The following DUS3L variants were observed in gnomAD, a reference collection of about 807,000 sequenced individuals.
DUS3L encodes tRNA-dihydrouridine(47) synthase [NAD(P)(+)]-like.
In DUS3L, 62 loss-of-function variants were observed where a neutral mutation model predicts 74.6. That is an observed-to-expected ratio of 0.83 (90% CI 0.68 to 1.03). The LOEUF is 1.03. DUS3L is among the 50% of genes least tolerant of loss of function. The pLI, the probability that DUS3L is intolerant of heterozygous loss-of-function variation, is 0.00. For synonymous variants in DUS3L, 433 were observed against 395.7 expected (o/e 1.09, Z -1.12); for missense variants, 884 against 924.4 (o/e 0.96, Z 0.57).
intron 1 of DUS3L, among the ~76,000 whole-genome samples, chr19:5,790,604 A>T (rs1286230514): frequency 6.6e-6 from 1 of 152,074 alleles, no homozygotes; most frequent in Non-Finnish European, 1.5e-5. Context: ...GAAAAACTAC[A>T]ATTCCCAGCA....
chr19:5,787,669 C>T lies in DUS3L; in HGVS notation c.1132G>A (p.Ala378Thr). Residue 378 changes from alanine (A) to threonine (T), a missense_variant, in exon 6 of 13, where the codon GCC becomes ACC. By Grantham distance (58) the Ala-to-Thr change is moderately conservative. Transcript: ENST00000309061. ...GAFPDTMTKC[A>T]ELLSRTVEVD... ...TCCACGGTGCGGCTCAGCAGCTCGG[C>T]ACACTTGGTCATGGTGTCGGGGAAG... 6.2e-7 allele frequency: 1 copy of T among 1,613,760 alleles called. No homozygotes were observed. Among genetic ancestry groups the T allele is most frequent in the Non-Finnish European group, 8.5e-7 (1 of 1,179,976 alleles).
At chr19:5,790,676 C>G (rs1366015415) in intron 1 of DUS3L, 1 of 537,490 alleles carries the variant, frequency 1.9e-6, no homozygotes, top group East Asian at 3.3e-5. Context: ...CTTCAAACAC[C>G]GCAGGCCCCA....
chr19:5,790,275 AGTC>A lies in DUS3L; in HGVS notation c.156_158del (p.Lys52_Thr53delinsAsn). 6.2e-7 allele frequency: 1 copy of A among 1,614,170 alleles called. No homozygotes were observed. Among genetic ancestry groups the A allele is most frequent in the Non-Finnish European group, 8.5e-7 (1 of 1,180,036 alleles). ...GGTCTCCTACCTCGGTTTCCCGGCA[AGTC>A]TTCTCCTGCCCTTTGGCTTCCAGGA... On this transcript the variant is annotated inframe_deletion, in exon 2 of 13. Coordinates refer to ENST00000309061, the MANE Select transcript of DUS3L (RefSeq NM_020175.3).
chr19:5,790,572 G>A (rs1568389417), intron 1 of DUS3L, among the ~76,000 whole-genome samples: 2 of 152,100 alleles, frequency 1.3e-5, no homozygotes, highest in African/African-American at 2.4e-5. Context: ...AGTCAAGAAC[G>A]TCCCTGCGCA....
chr19:5,787,991 C>T (rs773413995), intron 5 of DUS3L, 33 bp downstream of exon 5: 2 of 1,608,074 alleles, frequency 1.2e-6, no homozygotes, highest in Admixed American at 1.7e-5. Flanking sequence ...CCGAGGGCCC[C>T]TCCACTCTCC....
Position 5,788,080 on chromosome 19 carries a change from T to C in DUS3L, c.1039A>G (p.Met347Val). The change falls in exon 5 of 13, where the codon ATG (methionine) becomes GTG (valine). Residue 347 changes from methionine (M) to valine (V), a missense_variant. Physicochemically the swap from Met to Val is conservative, Grantham distance 21 (BLOSUM62 1). Transcript: ENST00000309061. ...AVCTNLLQGQ[M>V]SEWALLKRHQ... Reference sequence around the variant, plus strand: ...CGTTTGAGTAGGGCCCACTCGGACATCTGGCCCTGCAGCAGGTTGGTGCAG... The same window carrying C: ...CGTTTGAGTAGGGCCCACTCGGACACCTGGCCCTGCAGCAGGTTGGTGCAG... 6.2e-7 allele frequency: 1 copy of C among 1,613,780 alleles called. No individual in the cohort carries two copies. The highest frequency in any genetic ancestry group is 8.5e-7 in the Non-Finnish European group (1 of 1,180,010).
chr19:5,787,076 G>A lies in DUS3L; in HGVS notation c.1374C>T (p.Gly458=), dbSNP rs772122425. 5.4e-5 allele frequency: 83 copies of A among 1,545,682 alleles called. No individual in the cohort carries two copies. The highest frequency in any genetic ancestry group is 6.7e-5 in the Non-Finnish European group (77 of 1,152,820). ...CAAGACCCACCGTGACGAGTGCCACGCCCCAGTCCCGCAGCTCGGGCAGCA... is the reference window on the plus strand; with the variant it reads ...CAAGACCCACCGTGACGAGTGCCACACCCCAGTCCCGCAGCTCGGGCAGCA... ...HRLLPELRDW[G]VALVTLHGRS... is the part of the protein sequence containing the mutation. The change falls in exon 8 of 13, where the codon GGC becomes GGT. Residue 458 remains glycine, a synonymous_variant. Coordinates refer to ENST00000309061, the MANE Select transcript of DUS3L (RefSeq NM_020175.3).
At position 5,789,541 on chromosome 19, in the gene DUS3L, T is replaced by TG; in HGVS notation, c.565dup (p.Gln189ProfsTer41). ...CGCCAACTCCTCCTGCACCAGGTTC[T>TG]GTCCCTCGGGCCTCAGGTGGGCCCC... On this transcript the variant is annotated frameshift_variant, in exon 3 of 13. Transcript: ENST00000309061. LOFTEE classifies it high-confidence loss of function. 6.2e-7 allele frequency: 1 copy of TG among 1,602,700 alleles called. No individual in the cohort carries two copies. The highest frequency in any genetic ancestry group is 2.2e-5 in the East Asian group (1 of 44,574).
chr19:5,789,641 C>A lies in DUS3L; in HGVS notation c.466G>T (p.Ala156Ser). 1 of 1,607,152 alleles carries A rather than the reference C, an allele frequency of 6.2e-7. No homozygotes were observed. Among genetic ancestry groups the A allele is most frequent in the Non-Finnish European group, 8.5e-7 (1 of 1,177,960 alleles). Residue 156 changes from alanine (A) to serine (S), a missense_variant, in exon 3 of 13, where the codon GCC becomes TCC. By Grantham distance (99) the Ala-to-Ser change is moderately conservative (BLOSUM62 1). Coordinates refer to ENST00000309061, the MANE Select transcript of DUS3L (RefSeq NM_020175.3). ...AGCACGCAGCGGGGGCCCAGGTCGG[C>A]CGGCTTGGTCTCCAGGTAGCGCCCC... is the stretch of plus-strand genomic sequence containing the variant. ...DVGRYLETKPADLGPRCVLFE... is the reference protein window; with the variant it reads ...DVGRYLETKPSDLGPRCVLFE...
intron 4 of DUS3L, 86 bp from the exon 5 acceptor site, chr19:5,788,262 C>T (rs2144734454): frequency 1.2e-6 from 2 of 1,609,918 alleles, no homozygotes; most frequent in Admixed American, 1.7e-5. Flanking sequence ...GCGCCCCAGC[C>T]CCACAATCCA....
chr19:5,788,264 C>T, intron 4 of DUS3L, 88 bp from the exon 5 acceptor site: 1 of 1,610,274 alleles, frequency 6.2e-7, no homozygotes, highest in Non-Finnish European at 8.5e-7. Flanking sequence ...GCCCCAGCCC[C>T]ACAATCCAGT....
At chr19:5,788,655 G>C (rs1044266393) in intron 3 of DUS3L, among the ~76,000 whole-genome samples, 1 of 148,280 alleles carries the variant, frequency 6.7e-6, no homozygotes, top group East Asian at 2.0e-4. Context: ...TCCCACATTT[G>C]TCCCCCGCTG....
rs762302119 is a variant in DUS3L at position 5,789,584 on chromosome 19, C to T, written c.523G>A (p.Val175Met). Residue 175 changes from valine (V) to methionine (M), a missense_variant, in exon 3 of 13, where the codon GTG becomes ATG. By Grantham distance (21) the Val-to-Met change is conservative. Coordinates refer to ENST00000309061, the MANE Select transcript of DUS3L (RefSeq NM_020175.3). ...TGGGCCCCAGCGAAGCGGCAGGTCA[C>T]GCCGTAGGGGCACCGGCCGAAGGTC... ...FETFGRCPYG[V>M]TCRFAGAHLR... 6.3e-6 allele frequency: 10 copies of T among 1,585,476 alleles called. No homozygotes were observed. The African/African-American group carries it at 9.4e-5, about 15-fold the overall frequency.
chr19:5,789,986 G>A, intron 2 of DUS3L, 61 bp downstream of exon 2: 1 of 1,594,982 alleles, frequency 6.3e-7, no homozygotes, highest in Non-Finnish European at 8.6e-7. Flanking sequence ...ATTACCCGCT[G>A]CCAGGAAACA....
intron 9 of DUS3L, 35 bp downstream of exon 9, chr19:5,786,714 T>C (rs2056845856): frequency 6.2e-7 from 1 of 1,602,236 alleles, no homozygotes; most frequent in Admixed American, 1.7e-5. Flanking sequence ...CCAAGGGTGG[T>C]AGGGGAGAGG....
intron 8 of DUS3L, 25 bp downstream of exon 8, chr19:5,787,036 A>G (rs958845094): frequency 3.5e-5 from 53 of 1,520,330 alleles, no homozygotes; most frequent in Middle Eastern, 2.2e-4. Flanking sequence ...CGAGGCCCCA[A>G]TGCCCGAGGC....
chr19:5,788,464 C>T, intron 3 of DUS3L, 66 bp from the exon 4 acceptor site: 2 of 1,556,232 alleles, frequency 1.3e-6, no homozygotes, highest in Non-Finnish European at 1.7e-6. Context: ...GCCCTGGAGC[C>T]TCCCTTCTAC....
chr19:5,790,095 C>T lies in DUS3L; in HGVS notation c.339G>A (p.Val113=), dbSNP rs2056894795. ...TGTTCTTGTCGTAGTTCGTGGGCTT[C>T]ACATGGGGCCGGCCCTTGTTTTGTC... ...ARGQNKGRPH[V]KPTNYDKNRL... is the part of the protein sequence containing the mutation. Residue 113 remains valine (V), a synonymous_variant, in exon 2 of 13, where the codon GTG becomes GTA. Transcript: ENST00000309061. 1.9e-6 allele frequency: 3 copies of T among 1,614,178 alleles called. No homozygotes were observed. The highest frequency in any genetic ancestry group is 2.5e-6 in the Non-Finnish European group (3 of 1,180,044).
At position 5,789,694 on chromosome 19, in the gene DUS3L, C is replaced by T; in HGVS notation, c.413G>A (p.Gly138Asp). The T allele has an allele frequency of 6.2e-7, 1 of 1,608,244 alleles. No individual in the cohort carries two copies. The highest frequency in any genetic ancestry group is 1.1e-5 in the South Asian group (1 of 90,014). ...GTCGTGCAGAAAGCGGCAGCGATCA[C>T]CGAAGAAACACTTAGCAGCCGACTC... Reference protein sequence around the residue: ...IQESAAKCFFGDRCRFLHDVG... With the variant: ...IQESAAKCFFDDRCRFLHDVG... Residue 138 changes from glycine to aspartate, a missense_variant, in exon 3 of 13, where the codon GGT becomes GAT. Gly to Asp is a moderately conservative substitution (Grantham distance 94). Transcript: ENST00000309061.
Sources: gnomAD v4.1 joint callset for allele counts (sites outside exome capture counted in the v4.1 genomes callset) on GRCh38, gnomAD v4.1.1 for gene constraint, MANE v1.5 for transcripts, NCBI Gene and HGNC (gene_info 2026-07-23, HGNC 2026-07-21) for gene names.